The following RIC1 variants were observed in gnomAD, a reference collection of about 807,000 sequenced individuals.
The protein encoded by RIC1 is RIC1 partner of RAB6A GEF complex.
In RIC1, 88 loss-of-function variants were observed where a neutral mutation model predicts 169.0. The observed-to-expected ratio is 0.52, with a 90% CI of 0.44 to 0.62. The LOEUF is 0.62. RIC1 is among the 20% of genes least tolerant of loss of function. The pLI, the probability that RIC1 is intolerant of heterozygous loss-of-function variation, is 0.00. For missense variants in RIC1, 1,877 were observed against 1,725.5 expected, an observed-to-expected ratio of 1.09 and a Z score of -1.56; for synonymous variants, 790 against 601.5, an observed-to-expected ratio of 1.31 and a Z score of -4.59.
In RIC1 at chr9:5,762,458, T is replaced by C. The variant is rs1826401644; in HGVS notation, c.1993-83T>C. On this transcript the variant is annotated intron_variant, in intron 17 of 25. Coordinates refer to ENST00000414202, the MANE Select transcript of RIC1 (RefSeq NM_020829.4). The stretch of plus-strand genomic sequence containing the variant: ...AATAAATAATGTAGATTGTTTGACC[T>C]ATAAACCTTATGGATTGGGGGGAGA... 3.9e-6 allele frequency: 6 copies of C among 1,520,694 alleles called. No homozygotes were observed. The Middle Eastern group carries it at 8.7e-4, about 221-fold the overall frequency. The allele number at this position is 1,520,694 out of a possible 1,614,324, so 94.2% of individuals were successfully genotyped here. A position where few individuals can be genotyped will look rare whatever the true frequency, so the allele number is the denominator to read the frequency against.
downstream of RIC1, among the ~76,000 whole-genome samples, chr9:5,776,895 G>A (rs761841191): frequency 2.6e-5 from 4 of 151,992 alleles, no homozygotes; most frequent in African/African-American, 9.7e-5. Flanking sequence ...TCTAATAAGC[G>A]GGATTAAAAA....
intron 8 of RIC1, among the ~76,000 whole-genome samples, chr9:5,742,021 A>T (rs2130976103): frequency 6.6e-6 from 1 of 152,320 alleles, no homozygotes; most frequent in African/African-American, 2.4e-5. Flanking sequence ...TAAATTGCAC[A>T]AATTACAAAT....
intron 8 of RIC1, among the ~76,000 whole-genome samples, chr9:5,740,207 C>T (rs1473128517): frequency 6.6e-6 from 1 of 152,150 alleles, no homozygotes; most frequent in African/African-American, 2.4e-5. Context: ...GTCTCACAAG[C>T]AATGAATCAG....
chr9:5,676,535 A>C (rs1319849201), intron 2 of RIC1, among the ~76,000 whole-genome samples: 1 of 152,198 alleles, frequency 6.6e-6, no homozygotes, highest in African/African-American at 2.4e-5. Flanking sequence ...AGGTTAAGTA[A>C]CCTGCTCAAG....
chr9:5,747,192 A>G (rs1825427995), intron 11 of RIC1, 110 bp from the exon 12 acceptor site: 4 of 765,236 alleles, frequency 5.2e-6, no homozygotes. Flanking sequence ...AGATACATGT[A>G]CATTTCCTAT....
chr9:5,646,293 A>G (rs564004800), intron 1 of RIC1, among the ~76,000 whole-genome samples: 1 of 152,094 alleles, frequency 6.6e-6, no homozygotes, highest in Non-Finnish European at 1.5e-5. Flanking sequence ...GTAACGCTTC[A>G]TGTATTCTGG....
intron 15 of RIC1, 96 bp downstream of exon 15, chr9:5,755,026 CA>C (rs1421160419): frequency 2.9e-6 from 2 of 681,198 alleles, no homozygotes; most frequent in Non-Finnish European, 4.5e-6. Context: ...GAAAACTGAA[CA>C]AAACATTTTA....
At chr9:5,674,361 A>G (rs1023274900) in intron 2 of RIC1, among the ~76,000 whole-genome samples, 6 of 152,190 alleles carry the variant, frequency 3.9e-5, no homozygotes, top group Non-Finnish European at 8.8e-5. Context: ...CCAAGTAAGG[A>G]TGAATTAAAT....
At chr9:5,742,804 A>T (rs1169363953) in intron 8 of RIC1, 65 bp from the exon 9 acceptor site, 2 of 1,425,226 alleles carry the variant, frequency 1.4e-6, no homozygotes, top group Non-Finnish European at 1.9e-6. Context: ...ATTTGAAAAA[A>T]AAAAAAAAAC....
chr9:5,684,587 G>C (rs1265367045), intron 2 of RIC1, among the ~76,000 whole-genome samples: 3 of 151,274 alleles, frequency 2.0e-5, no homozygotes, highest in Admixed American at 6.6e-5. Context: ...TTCTATATTT[G>C]TCTTGTGTCC....
chr9:5,746,527 C>T (rs1563945826), intron 11 of RIC1, among the ~76,000 whole-genome samples: 3 of 151,936 alleles, frequency 2.0e-5, no homozygotes, highest in South Asian at 2.1e-4. Flanking sequence ...CTTAAATATG[C>T]CATTGTGCAT....
intron 18 of RIC1, 97 bp downstream of exon 18, chr9:5,762,757 T>G: frequency 7.0e-7 from 1 of 1,421,536 alleles, no homozygotes; most frequent in Non-Finnish European, 9.5e-7. Flanking sequence ...TTTTATGATT[T>G]GGAAAGGAGA....
chr9:5,642,926 A>G (rs930407431), intron 1 of RIC1, among the ~76,000 whole-genome samples: 1 of 152,186 alleles, frequency 6.6e-6, no homozygotes, highest in Non-Finnish European at 1.5e-5. Context: ...TTCAAAATAA[A>G]TGAATTTATA....
At chr9:5,685,630 A>G (rs1290149933) in intron 2 of RIC1, among the ~76,000 whole-genome samples, 3 of 151,728 alleles carry the variant, frequency 2.0e-5, no homozygotes, top group African/African-American at 4.8e-5. Flanking sequence ...TCAATTCAAG[A>G]TGGATTAAAG....
intron 4 of RIC1, among the ~76,000 whole-genome samples, chr9:5,718,582 C>T (rs1024090564): frequency 1.1e-4 from 16 of 152,274 alleles, no homozygotes; most frequent in Admixed American, 7.8e-4. Context: ...TTCTTTAAGG[C>T]TCAAAAGTAA....
chr9:5,714,041 C>T, intron 4 of RIC1, 38 bp downstream of exon 4: 2 of 1,345,454 alleles, frequency 1.5e-6, no homozygotes, highest in Admixed American at 1.7e-5. Flanking sequence ...TGTGTGATGA[C>T]AGTAGACAAT....
chr9:5,638,576 G>C (rs1356781422), intron 1 of RIC1, among the ~76,000 whole-genome samples: 1 of 152,180 alleles, frequency 6.6e-6, no homozygotes, highest in Non-Finnish European at 1.5e-5. Context: ...TAGGTTGTAT[G>C]TGCTAGGGAT....
chr9:5,651,572 T>TA (rs1818803321), intron 1 of RIC1, among the ~76,000 whole-genome samples: 1 of 147,758 alleles, frequency 6.8e-6, no homozygotes, highest in African/African-American at 2.5e-5. Flanking sequence ...TTTTTTTTTT[T>TA]TTTTTTTTAT....
At chr9:5,752,555 C>T (rs566265058) in intron 12 of RIC1, among the ~76,000 whole-genome samples, 4 of 151,934 alleles carry the variant, frequency 2.6e-5, no homozygotes, top group South Asian at 4.2e-4. Context: ...ATTGTCCTGC[C>T]TCAGTCTCCC....
Sources: allele counts gnomAD v4.1 joint callset (sites outside exome capture counted in the v4.1 genomes callset), GRCh38; gene constraint gnomAD v4.1.1; transcripts MANE v1.5; gene names NCBI Gene and HGNC (gene_info 2026-07-23, HGNC 2026-07-21).